The following EML6 variants were observed in gnomAD, a reference collection of about 807,000 sequenced individuals.
The protein encoded by EML6 is echinoderm microtubule-associated protein-like 6.
Under a neutral mutation model 240.1 loss-of-function variants are expected in EML6, and 154 were observed. That is an observed-to-expected ratio of 0.64 (90% confidence interval 0.56 to 0.73). EML6 has a LOEUF of 0.73. Among genes scored for constraint, EML6 ranks in the 30% least tolerant of loss-of-function variants. EML6 has a pLI of 0.00. For missense variants in EML6, 2,964 were observed against 2,474.6 expected, an observed-to-expected ratio of 1.20 and a Z score of -4.20; for synonymous variants, 1,148 against 899.0, an observed-to-expected ratio of 1.28 and a Z score of -4.95.
intron 7 of EML6, among the ~76,000 whole-genome samples, chr2:54,842,506 C>G (rs548101631): frequency 1.3e-5 from 2 of 152,264 alleles, no homozygotes; most frequent in South Asian, 4.1e-4. Context: ...AAAGAATACT[C>G]CTATGTCTAG....
chr2:54,848,956 C>G (rs1414802269), intron 9 of EML6, among the ~76,000 whole-genome samples: 1 of 152,180 alleles, frequency 6.6e-6, no homozygotes, highest in Admixed American at 6.5e-5. Context: ...TCAAGCTTAA[C>G]AGTCACTCGT....
In EML6 at chr2:54,891,052, A is replaced by T; in HGVS notation, c.2439-2A>T. Reference sequence around the variant, plus strand: ...ATCTTATTTCCTATTTGTCTCTTACAGAGGACATAAAGATAAGATATTTGT... The same window carrying T: ...ATCTTATTTCCTATTTGTCTCTTACTGAGGACATAAAGATAAGATATTTGT... On this transcript the variant is annotated splice_acceptor_variant, in intron 17 of 41. Coordinates refer to ENST00000356458, the MANE Select transcript of EML6 (RefSeq NM_001039753.4). LOFTEE classifies it high-confidence loss of function. 7.1e-7 allele frequency: 1 copy of T among 1,402,374 alleles called. No individual in the cohort carries two copies. Among genetic ancestry groups the T allele is most frequent in the Non-Finnish European group, 9.7e-7 (1 of 1,027,266 alleles). The allele number at this position is 1,402,374 out of a possible 1,614,324, so 86.9% of individuals were successfully genotyped here.
chr2:54,896,987 G>T (rs141916941), intron 21 of EML6, among the ~76,000 whole-genome samples: 1 of 152,328 alleles, frequency 6.6e-6, no homozygotes, highest in Non-Finnish European at 1.5e-5. Context: ...TTGAGGCAAT[G>T]AGGTCTTTGT....
intron 2 of EML6, among the ~76,000 whole-genome samples, chr2:54,763,862 G>A (rs549237601): frequency 6.6e-6 from 1 of 152,272 alleles, no homozygotes; most frequent in East Asian, 1.9e-4. Flanking sequence ...CTGCCTTCAG[G>A]CTCCCTTCTC....
chr2:54,797,328 G>A (rs527717374), intron 2 of EML6, among the ~76,000 whole-genome samples: 20 of 152,152 alleles, frequency 1.3e-4, no homozygotes, highest in African/African-American at 3.9e-4. Flanking sequence ...AACAGCCATC[G>A]GAGTTCAAAG....
At chr2:54,895,181 A>AGTTCTTTGGAACTAG in intron 20 of EML6, 92 bp from the exon 21 acceptor site, 1 of 1,408,586 alleles carries the variant, frequency 7.1e-7, no homozygotes, top group Non-Finnish European at 9.7e-7. Context: ...CTGACTGCCT[A>AGTTCTTTGGAACTAG]GTACCTAGTT....
intron 26 of EML6, among the ~76,000 whole-genome samples, chr2:54,926,879 A>G (rs780464890): frequency 4.6e-5 from 7 of 151,860 alleles, no homozygotes; most frequent in African/African-American, 2.4e-5. Context: ...TTTTCTTGCC[A>G]TCTAGAAACC....
rs1050372778 is a variant in EML6, at chr2:54,957,918, G to T, written c.4615G>T (p.Ala1539Ser). 1.3e-6 allele frequency: 2 copies of T among 1,551,682 alleles called. No individual in the cohort carries two copies. The highest frequency in any genetic ancestry group is 4.9e-5 in the East Asian group (2 of 40,920). ...HMKFWTLAGS[A>S]LLYKKGVIGS... ...GAAGTTCTGGACCCTGGCAGGCAGC[G>T]CCTTGCTTTACAAGAAAGGGGTCAT... The change falls in exon 33 of 42, where the codon GCC becomes TCC. Residue 1539 changes from alanine to serine, a missense_variant. Coordinates refer to ENST00000356458, the MANE Select transcript of EML6 (RefSeq NM_001039753.4).
intron 2 of EML6, among the ~76,000 whole-genome samples, chr2:54,805,596 T>C (rs1354777528): frequency 1.3e-5 from 2 of 152,152 alleles, no homozygotes; most frequent in Admixed American, 1.3e-4. Context: ...GTGATTTTGT[T>C]GTTTTTTTCT....
At chr2:54,731,052 C>T (rs1402986844) in intron 2 of EML6, among the ~76,000 whole-genome samples, 9 of 152,102 alleles carry the variant, frequency 5.9e-5, no homozygotes, top group Non-Finnish European at 1.3e-4. Context: ...CAGAGCAGCT[C>T]TCTAGGGAGA....
intron 19 of EML6, among the ~76,000 whole-genome samples, chr2:54,893,939 A>G (rs1187944917): frequency 6.6e-6 from 1 of 152,182 alleles, no homozygotes; most frequent in African/African-American, 2.4e-5. Context: ...GTAGGCCCAG[A>G]AGTAGATATG....
intron 7 of EML6, among the ~76,000 whole-genome samples, chr2:54,834,306 T>G (rs1156616274): frequency 6.6e-6 from 1 of 152,148 alleles, no homozygotes; most frequent in East Asian, 1.9e-4. Flanking sequence ...AAAACACATT[T>G]ATGATCTGGG....
rs1323964032 is a variant in EML6 at position 54,968,663 on chromosome 2, C to T, written c.5752-5C>T. On this transcript the variant is annotated splice_polypyrimidine_tract_variant and splice_region_variant and intron_variant, in intron 40 of 41. Transcript: ENST00000356458. Reference sequence around the variant, plus strand: ...TTAGCTGTCTCCATTCACTTTTGCTCACAGGCCAAACATAAGCGATACTTC... The same window carrying T: ...TTAGCTGTCTCCATTCACTTTTGCTTACAGGCCAAACATAAGCGATACTTC... 4 of 1,542,630 alleles carry T rather than the reference C, an allele frequency of 2.6e-6. No individual in the cohort carries two copies. The highest frequency in any genetic ancestry group is 1.8e-6 in the Non-Finnish European group (2 of 1,138,770).
intron 35 of EML6, among the ~76,000 whole-genome samples, chr2:54,961,184 G>GTTGTTTTTTTTTTTTTGTTTTTTTGTTTT: frequency 5.4e-5 from 3 of 55,424 alleles, no homozygotes; most frequent in Admixed American, 2.7e-4. Flanking sequence ...TCAGGAAGTA[G>GTTGTTTTTTTTTTTTTGTTTTTTTGTTTT]TTTTTTTTTT....
At chr2:54,944,207 A>C (rs758176029) in intron 28 of EML6, among the ~76,000 whole-genome samples, 2 of 152,132 alleles carry the variant, frequency 1.3e-5, no homozygotes, top group African/African-American at 2.4e-5. Context: ...GGAACTTCCA[A>C]CTAACAAAGC....
chr2:54,793,907 C>G (rs543906947), intron 2 of EML6, among the ~76,000 whole-genome samples: 2 of 152,262 alleles, frequency 1.3e-5, no homozygotes, highest in South Asian at 4.2e-4. Flanking sequence ...TACTAGGAGA[C>G]AGTTCTCCTT....
intron 2 of EML6, among the ~76,000 whole-genome samples, chr2:54,811,631 C>T (rs1667852656): frequency 6.6e-6 from 1 of 152,172 alleles, no homozygotes; most frequent in Admixed American, 6.5e-5. Flanking sequence ...ATCATAGGTC[C>T]ACAAGGGCCT....
Position 54,738,397 on chromosome 2 carries a change from G to T in EML6, c.197+13139G>T, listed in dbSNP as rs13427397. ...TATAGACACCATCTCAGAATAATAG[G>T]CTTGTTTGTTCTGTTTTACACTTTT... On this transcript the variant is annotated intron_variant, in intron 2 of 41. Transcript: ENST00000356458. Among the ~76,000 whole-genome samples the T allele has an allele frequency of 2.7e-4, 41 of 152,198 alleles. 1 individual carries two copies. The South Asian group carries it at 5.4e-3, about 20-fold the overall frequency.
At chr2:54,835,282 A>AG (rs1669081485) in intron 7 of EML6, among the ~76,000 whole-genome samples, 2 of 152,276 alleles carry the variant, frequency 1.3e-5, no homozygotes, top group African/African-American at 4.8e-5. Flanking sequence ...GTTTCCACAA[A>AG]GGTAGGGATC....
Sources: allele counts gnomAD v4.1 joint callset (sites outside exome capture counted in the v4.1 genomes callset), GRCh38; gene constraint gnomAD v4.1.1; transcripts MANE v1.5; gene names NCBI Gene and HGNC (gene_info 2026-07-23, HGNC 2026-07-21).